The following PNLIP variants were observed in gnomAD, a reference collection of about 807,000 sequenced individuals.
PNLIP encodes pancreatic lipase.
A neutral mutation model predicts 57.1 loss-of-function variants in PNLIP; 49 were observed. The ratio of observed to expected loss-of-function variants is 0.86; its 90% CI spans 0.68 to 1.09. The LOEUF (loss-of-function observed/expected upper bound fraction) is 1.09. Ranked by LOEUF, PNLIP falls within the 50% of genes least tolerant of loss-of-function variation. The probability of loss-of-function intolerance (pLI) is 0.00; values close to 1 mark genes in which losing one functional copy is unlikely to be tolerated. For missense variants in PNLIP, 503 were observed against 570.2 expected (o/e 0.88, Z 1.20); for synonymous variants, 209 against 200.4 (o/e 1.04, Z -0.36).
intron 12 of PNLIP, among the ~76,000 whole-genome samples, chr10:116,565,237 G>A (rs560680445): frequency 7.7e-5 from 4 of 52,130 alleles, no homozygotes; most frequent in African/African-American, 1.5e-4. Flanking sequence ...GTGACAGAGC[G>A]AGACAATGTC....
At chr10:116,549,300 AC>A (rs996134604) in intron 4 of PNLIP, among the ~76,000 whole-genome samples, 3 of 151,638 alleles carry the variant, frequency 2.0e-5, no homozygotes, top group Non-Finnish European at 2.9e-5. Context: ...ACACGGTGAA[AC>A]CCCGTCTCTA....
chr10:116,558,580 G>GATAGATAC (rs1463139250), intron 9 of PNLIP, among the ~76,000 whole-genome samples: 1 of 150,714 alleles, frequency 6.6e-6, no homozygotes, highest in Non-Finnish European at 1.5e-5. Flanking sequence ...AAAAATAGAA[G>GATAGATAC]ATAGATACAC....
At chr10:116,548,603 T>G in intron 4 of PNLIP, 121 bp downstream of exon 4, 3 of 1,109,620 alleles carry the variant, frequency 2.7e-6, no homozygotes, top group South Asian at 3.3e-5. Flanking sequence ...TTCAGACCCC[T>G]GCTGGGCCTG....
intron 4 of PNLIP, among the ~76,000 whole-genome samples, chr10:116,550,096 T>TC (rs1847174732): frequency 1.4e-5 from 2 of 144,792 alleles, no homozygotes; most frequent in Non-Finnish European, 3.0e-5. Flanking sequence ...TCTTGCTCTG[T>TC]CCCCCCGGCT....
intron 4 of PNLIP, among the ~76,000 whole-genome samples, chr10:116,548,700 A>T (rs1847156877): frequency 6.6e-6 from 1 of 152,174 alleles, no homozygotes; most frequent in African/African-American, 2.4e-5. Context: ...CACTTGGTGG[A>T]TCTAGGCAGT....
chr10:116,548,161 G>C (rs770698363), intron 3 of PNLIP, among the ~76,000 whole-genome samples, 199 bp from the exon 4 acceptor site: 4 of 151,772 alleles, frequency 2.6e-5, no homozygotes, highest in Non-Finnish European at 4.4e-5. Context: ...ATCCCAAGTT[G>C]AACAATGGCA....
chr10:116,548,023 C>T (rs1847149082), intron 3 of PNLIP, among the ~76,000 whole-genome samples: 1 of 151,788 alleles, frequency 6.6e-6, no homozygotes, highest in African/African-American at 2.4e-5. Flanking sequence ...TATGTAATCT[C>T]CTATTATATA....
chr10:116,557,955 G>A (rs12771059), intron 9 of PNLIP, among the ~76,000 whole-genome samples: 34 of 151,836 alleles, frequency 2.2e-4, no homozygotes. Context: ...CTAAACATGA[G>A]CTAAAACAAT....
intron 12 of PNLIP, among the ~76,000 whole-genome samples, chr10:116,565,144 G>A (rs1359313244): frequency 2.0e-5 from 3 of 151,184 alleles, no homozygotes; most frequent in Non-Finnish European, 4.4e-5. Context: ...CAGCTACTCA[G>A]GAGGCTGAGG....
chr10:116,550,651 A>C (rs980778320), intron 4 of PNLIP, among the ~76,000 whole-genome samples: 2 of 152,194 alleles, frequency 1.3e-5, no homozygotes, highest in South Asian at 4.1e-4. Flanking sequence ...TTCATTCATT[A>C]AATATTTACT....
chr10:116,548,439 T>C lies in PNLIP; in HGVS notation c.281T>C (p.Phe94Ser), dbSNP rs747234244. The C allele has an allele frequency of 4.5e-5, 72 of 1,613,914 alleles. No homozygotes were observed. The highest frequency in any genetic ancestry group is 6.0e-5 in the Non-Finnish European group (71 of 1,179,910). ...AAAACTCGCTTTATTATTCATGGAT[T>C]CATAGACAAGGGAGAAGAAAACTGG... Reference protein sequence around the residue: ...NRKTRFIIHGFIDKGEENWLA... With the variant: ...NRKTRFIIHGSIDKGEENWLA... The change falls in exon 4 of 13, where the codon TTC becomes TCC. Residue 94 changes from phenylalanine to serine, a missense_variant. Phe to Ser is a radical substitution (Grantham distance 155, BLOSUM62 -2). Transcript: ENST00000369221.
intron 4 of PNLIP, 48 bp downstream of exon 4, chr10:116,548,530 T>C (rs753189563): frequency 6.3e-7 from 1 of 1,598,920 alleles, no homozygotes; most frequent in Non-Finnish European, 8.5e-7. Flanking sequence ...AAAGTGGTAA[T>C]TAACAAACGG....
intron 6 of PNLIP, among the ~76,000 whole-genome samples, 162 bp from the exon 7 acceptor site, chr10:116,555,016 G>T (rs1173207984): frequency 6.6e-6 from 1 of 152,164 alleles, no homozygotes; most frequent in African/African-American, 2.4e-5. Flanking sequence ...TTGGTTTGGG[G>T]AAAATTCACT....
At chr10:116,548,249 C>T (rs923226912) in intron 3 of PNLIP, 111 bp from the exon 4 acceptor site, 3 of 995,228 alleles carry the variant, frequency 3.0e-6, no homozygotes, top group Non-Finnish European at 4.5e-6. Context: ...AATCATTATT[C>T]ACAAGGATCC....
At chr10:116,552,791 C>T (rs2133201123) in intron 5 of PNLIP, among the ~76,000 whole-genome samples, 1 of 152,138 alleles carries the variant, frequency 6.6e-6, no homozygotes, top group Non-Finnish European at 1.5e-5. Context: ...GAGGCTGAGG[C>T]AGGAGAATGG....
At position 116,551,150 on chromosome 10, in the gene PNLIP, G is replaced by T. The variant is rs757217508; in HGVS notation, c.377G>T (p.Gly126Val). 2 of 1,612,534 alleles carry T rather than the reference G, an allele frequency of 1.2e-6. No individual in the cohort carries two copies. Among genetic ancestry groups the T allele is most frequent in the Non-Finnish European group, 1.7e-6 (2 of 1,179,072 alleles). Residue 126 changes from glycine (G) to valine (V), a missense_variant, in exon 5 of 13, where the codon GGC becomes GTC. Gly to Val is a moderately radical substitution (Grantham distance 109). Transcript: ENST00000369221. ...TGTATCTGTGTGGACTGGAAAGGTG[G>T]CTCCCGAACTGGATACACACAAGCC... ...VNCICVDWKG[G>V]SRTGYTQASQ...
chr10:116,548,191 G>A (rs1847151565), intron 3 of PNLIP, among the ~76,000 whole-genome samples, 169 bp from the exon 4 acceptor site: 2 of 151,914 alleles, frequency 1.3e-5, no homozygotes, highest in African/African-American at 4.8e-5. Context: ...TGATGACTGG[G>A]AAATGGCAAC....
chr10:116,556,996 G>T (rs1847260443), intron 9 of PNLIP, among the ~76,000 whole-genome samples: 1 of 152,006 alleles, frequency 6.6e-6, no homozygotes, highest in South Asian at 2.1e-4. Context: ...TAACATATTT[G>T]GTGAGAGGAC....
At chr10:116,564,249 A>C (rs1397496699) in intron 12 of PNLIP, among the ~76,000 whole-genome samples, 1 of 152,204 alleles carries the variant, frequency 6.6e-6, no homozygotes, top group Non-Finnish European at 1.5e-5. Context: ...ACACAAATAA[A>C]AAAATGTTGA....
Sources: allele counts gnomAD v4.1 joint callset (sites outside exome capture counted in the v4.1 genomes callset), GRCh38; gene constraint gnomAD v4.1.1; transcripts MANE v1.5; gene names NCBI Gene and HGNC (gene_info 2026-07-23, HGNC 2026-07-21).